The following FSTL4 variants were observed in gnomAD, a reference collection of about 807,000 sequenced individuals.
The protein encoded by FSTL4 is follistatin like 4, also known as follistatin-related protein 4.
In FSTL4, 28 loss-of-function variants were observed where a neutral mutation model predicts 78.2. That is an observed-to-expected ratio of 0.36 (90% CI 0.27 to 0.49). The LOEUF (loss-of-function observed/expected upper bound fraction) is 0.49, where lower values mean the gene tolerates loss of function less well. Ranked by LOEUF, FSTL4 falls within the 20% of genes least tolerant of loss-of-function variation. The probability of loss-of-function intolerance (pLI) is 0.98; values close to 1 mark genes in which losing one functional copy is unlikely to be tolerated. For missense variants in FSTL4, 922 were observed against 1,084.9 expected, an observed-to-expected ratio of 0.85 and a Z score of 2.11; for synonymous variants, 422 against 440.5, an observed-to-expected ratio of 0.96 and a Z score of 0.53.
intron 2 of FSTL4, among the ~76,000 whole-genome samples, chr5:133,571,330 T>C (rs1045077456): frequency 4.6e-5 from 7 of 152,168 alleles, no homozygotes; most frequent in African/African-American, 1.7e-4. Flanking sequence ...TGGAAATCTA[T>C]AAAGTGATCC....
the FSTL4 span, among the ~76,000 whole-genome samples, chr5:133,679,393 G>A: frequency 9.2e-5 from 14 of 152,134 alleles, no homozygotes; most frequent in South Asian, 6.2e-4. Flanking sequence ...CTTTCTGTGG[G>A]TAGCAGTCTC....
chr5:133,520,437 G>T (rs1758955153), intron 3 of FSTL4, among the ~76,000 whole-genome samples: 1 of 152,110 alleles, frequency 6.6e-6, no homozygotes, highest in Non-Finnish European at 1.5e-5. Flanking sequence ...GTTGGGGTGG[G>T]GGTGGGAGGG....
the FSTL4 span, among the ~76,000 whole-genome samples, chr5:133,644,775 G>A: frequency 3.4e-4 from 52 of 152,078 alleles, 1 homozygote; most frequent in Non-Finnish European, 7.2e-4. Flanking sequence ...TGCTTTAAGA[G>A]GCTGACCTCT....
intron 4 of FSTL4, among the ~76,000 whole-genome samples, chr5:133,325,908 T>C (rs1160807947): frequency 6.6e-6 from 1 of 152,212 alleles, no homozygotes; most frequent in Non-Finnish European, 1.5e-5. Flanking sequence ...TGGTAAGTCA[T>C]GTCATGTGCT....
intron 4 of FSTL4, among the ~76,000 whole-genome samples, chr5:133,360,084 G>A (rs542977015): frequency 3.3e-5 from 5 of 152,344 alleles, no homozygotes; most frequent in African/African-American, 9.6e-5. Flanking sequence ...GACCCTCAGC[G>A]TGGCCTCCCT....
chr5:133,444,752 G>A (rs547183080), intron 3 of FSTL4, among the ~76,000 whole-genome samples: 2 of 152,322 alleles, frequency 1.3e-5, no homozygotes, highest in South Asian at 2.1e-4. Context: ...TCTTTCCCCA[G>A]ATACGTGGTG....
intron 3 of FSTL4, among the ~76,000 whole-genome samples, chr5:133,444,396 G>T (rs1173897001): frequency 3.3e-5 from 5 of 152,194 alleles, no homozygotes; most frequent in African/African-American, 1.2e-4. Flanking sequence ...CAGCCACCCT[G>T]CCTGGCAGTG....
chr5:133,211,049 C>A (rs1485688856), intron 13 of FSTL4: 2 of 152,144 alleles, frequency 1.3e-5, no homozygotes, highest in African/African-American at 2.4e-5. Flanking sequence ...CCATTATCAC[C>A]CCTCTCTATC....
chr5:133,367,538 G>C (rs1049634122), intron 4 of FSTL4, among the ~76,000 whole-genome samples: 5 of 152,184 alleles, frequency 3.3e-5, no homozygotes, highest in Non-Finnish European at 5.9e-5. Context: ...GCAACATGGG[G>C]AGGCTTCACT....
intron 4 of FSTL4, among the ~76,000 whole-genome samples, chr5:133,376,613 A>T (rs1489365081): frequency 6.6e-6 from 1 of 152,188 alleles, no homozygotes; most frequent in African/African-American, 2.4e-5. Flanking sequence ...CCTATAGCAC[A>T]TGAAGAAACA....
intron 2 of FSTL4, among the ~76,000 whole-genome samples, chr5:133,600,862 G>A (rs1760851355): frequency 6.6e-6 from 1 of 152,148 alleles, no homozygotes; most frequent in Non-Finnish European, 1.5e-5. Context: ...TTAATATCTG[G>A]TTCCTGAAAA....
intron 3 of FSTL4, among the ~76,000 whole-genome samples, chr5:133,430,316 G>A (rs769097670): frequency 6.6e-6 from 1 of 152,226 alleles, no homozygotes; most frequent in Admixed American, 6.5e-5. Context: ...GCCCTGTGGG[G>A]TAGGTCTTGC....
the FSTL4 span, among the ~76,000 whole-genome samples, chr5:133,753,692 TGTGTGTG>T: frequency 6.0e-3 from 619 of 102,840 alleles, 4 homozygotes; most frequent in Non-Finnish European, 9.1e-3. Flanking sequence ...TCTGTGTGTG[TGTGTGTG>T]TGTGTGTGTG....
intron 3 of FSTL4, among the ~76,000 whole-genome samples, chr5:133,435,876 A>G (rs1757024026): frequency 6.6e-6 from 1 of 152,170 alleles, no homozygotes; most frequent in Non-Finnish European, 1.5e-5. Context: ...CTTCCCCTCT[A>G]AATTGCTACC....
chr5:133,708,419 G>T, the FSTL4 span, among the ~76,000 whole-genome samples: 1 of 152,092 alleles, frequency 6.6e-6, no homozygotes, highest in African/African-American at 2.4e-5. Context: ...CTCCCCAGGT[G>T]GTCCCTGACC....
At chr5:133,624,523 G>A in the FSTL4 span, among the ~76,000 whole-genome samples, 8 of 151,808 alleles carry the variant, frequency 5.3e-5, no homozygotes, top group Admixed American at 2.6e-4. Context: ...TGATGGTTGC[G>A]CAACATCGTG....
chr5:133,581,790 G>A (rs568399871), intron 2 of FSTL4, among the ~76,000 whole-genome samples: 6 of 152,314 alleles, frequency 3.9e-5, no homozygotes, highest in African/African-American at 1.4e-4. Flanking sequence ...ATTTTTTGAA[G>A]CCACCCCAGT....
chr5:133,839,617 TA>T, the FSTL4 span, among the ~76,000 whole-genome samples: 76 of 152,330 alleles, frequency 5.0e-4, 1 homozygote, highest in African/African-American at 1.6e-3. Context: ...AGAGCATCCT[TA>T]GACTTCTGAT....
the FSTL4 span, among the ~76,000 whole-genome samples, chr5:133,838,851 G>A: frequency 6.2e-4 from 95 of 152,194 alleles, no homozygotes; most frequent in Non-Finnish European, 1.1e-3. Flanking sequence ...AAACATAAAA[G>A]CCACCTCTCA....
Sources: allele counts gnomAD v4.1 joint callset (sites outside exome capture counted in the v4.1 genomes callset), GRCh38; gene constraint gnomAD v4.1.1; transcripts MANE v1.5; gene names NCBI Gene and HGNC (gene_info 2026-07-23, HGNC 2026-07-21).